FRMPD1: variants seen among roughly 807,000 people sequenced by gnomAD.
FRMPD1 encodes FERM and PDZ domain containing 1.
FRMPD1 carries 76 observed loss-of-function variants against 117.8 expected under a neutral mutation model. The observed-to-expected ratio is 0.65, with a 90% CI of 0.54 to 0.78. The LOEUF (loss-of-function observed/expected upper bound fraction) is 0.78, where lower values mean the gene tolerates loss of function less well. FRMPD1 is among the 30% of genes least tolerant of loss of function. The probability of loss-of-function intolerance (pLI) is 0.00; values close to 1 mark genes in which losing one functional copy is unlikely to be tolerated. For missense variants in FRMPD1, 1,786 were observed against 1,964.5 expected (o/e 0.91, Z 1.72); for synonymous variants, 783 against 770.4 (o/e 1.02, Z -0.27).
In FRMPD1 at chr9:37,663,380, G is replaced by C. The variant is rs139510361; in HGVS notation, c.-5+12286G>C. ...ATTGCATGCCAGAGTGGAGATGCAG[G>C]GGGAGGGGGCTGATCAGCAGGTGAA... On this transcript the variant is annotated intron_variant, in intron 1 of 15. Transcript: ENST00000377765. Among the ~76,000 whole-genome samples the C allele has an allele frequency of 1.2e-4, 19 of 152,276 alleles. No individual in the cohort carries two copies. In the East Asian group the frequency reaches 2.5e-3, roughly 20 times the overall value.
At chr9:37,636,495 C>G in the FRMPD1 span, among the ~76,000 whole-genome samples, 5 of 152,192 alleles carry the variant, frequency 3.3e-5, 1 homozygote, top group Admixed American at 2.0e-4. Context: ...TCCTGAGTGT[C>G]CTCCCTTAGG....
chr9:37,683,519 T>C (rs1821803602), intron 1 of FRMPD1, among the ~76,000 whole-genome samples: 1 of 152,164 alleles, frequency 6.6e-6, no homozygotes, highest in Non-Finnish European at 1.5e-5. Flanking sequence ...GCCTGTTCAT[T>C]GAAGTGTGAG....
chr9:37,657,245 A>G (rs1257616018), intron 1 of FRMPD1, among the ~76,000 whole-genome samples: 1 of 152,182 alleles, frequency 6.6e-6, no homozygotes, highest in African/African-American at 2.4e-5. Context: ...CAACGATAAC[A>G]ATCCCACCTC....
chr9:37,651,239 C>G (rs1163409735), intron 1 of FRMPD1, 145 bp downstream of exon 1: 2 of 152,822 alleles, frequency 1.3e-5, no homozygotes, highest in Non-Finnish European at 2.9e-5. Context: ...TCCTCGTGTC[C>G]CCAAGCCCGG....
intron 5 of FRMPD1, 144 bp from the exon 6 acceptor site, chr9:37,718,925 A>G (rs1024162137): frequency 6.7e-6 from 4 of 595,216 alleles, no homozygotes; most frequent in African/African-American, 3.7e-5. Flanking sequence ...GAAAATACCT[A>G]TAATGGGATA....
In FRMPD1 at chr9:37,740,673, G is replaced by C; in HGVS notation, c.2145G>C (p.Pro715=). 6.2e-7 allele frequency: 1 copy of C among 1,614,138 alleles called. No homozygotes were observed. Among genetic ancestry groups the C allele is most frequent in the Non-Finnish European group, 8.5e-7 (1 of 1,180,012 alleles). Residue 715 remains proline, a synonymous_variant, in exon 15 of 16, where the codon CCG becomes CCC. Transcript: ENST00000377765. This position sits in a 1 kb window ranked among gnomAD's most constrained non-coding sequence, Gnocchi z 4.2. The part of the protein sequence containing the change: ...DYYSLCSSVS[P]ASYLSDSSES... ...ACAGCCTGTGTTCCAGTGTCTCCCC[G>C]GCCAGCTACCTGAGTGACAGTTCCG...
At chr9:37,606,900 T>C in the FRMPD1 span, among the ~76,000 whole-genome samples, 1 of 152,204 alleles carries the variant, frequency 6.6e-6, no homozygotes. Context: ...CATGTCATTC[T>C]GGGCTATGAG....
the FRMPD1 span, among the ~76,000 whole-genome samples, chr9:37,637,641 G>A: frequency 6.6e-6 from 1 of 152,200 alleles, no homozygotes; most frequent in Non-Finnish European, 1.5e-5. Context: ...TTTGAGTCTG[G>A]CTTCTTTCAC....
At chr9:37,742,120 C>T (rs1273073450) in intron 15 of FRMPD1, among the ~76,000 whole-genome samples, 10 of 152,196 alleles carry the variant, frequency 6.6e-5, no homozygotes, top group Non-Finnish European at 1.2e-4. Context: ...CAGCACACAG[C>T]GTCTAGCAAT....
At chr9:37,654,298 T>A (rs1457481877) in intron 1 of FRMPD1, among the ~76,000 whole-genome samples, 1 of 152,102 alleles carries the variant, frequency 6.6e-6, no homozygotes. Context: ...TGGAGGGTGG[T>A]CAGGGCAGGC....
chr9:37,604,957 C>G, the FRMPD1 span, among the ~76,000 whole-genome samples: 1 of 152,164 alleles, frequency 6.6e-6, no homozygotes, highest in Non-Finnish European at 1.5e-5. Context: ...GAGGCAGGCT[C>G]TATTATTTCC....
chr9:37,708,497 C>T lies in FRMPD1; in HGVS notation c.358C>T (p.Leu120Phe). 6.4e-7 allele frequency: 1 copy of T among 1,562,834 alleles called. No homozygotes were observed. The highest frequency in any genetic ancestry group is 8.8e-7 in the Non-Finnish European group (1 of 1,133,026). Reference sequence around the variant, plus strand: ...TTCCTGGGAACGAGCAGTCGATATTCTCAGGTACTAAATGGTCTTCCATCA... The same window carrying T: ...TTCCTGGGAACGAGCAGTCGATATTTTCAGGTACTAAATGGTCTTCCATCA... ...DLSWERAVDI[L>F]REAEDSLSIT... Residue 120 changes from leucine (L) to phenylalanine (F), a missense_variant, in exon 4 of 16, where the codon CTC (leucine) becomes TTC (phenylalanine). Coordinates refer to ENST00000377765, the MANE Select transcript of FRMPD1 (RefSeq NM_014907.3).
rs1760851417 is a variant in FRMPD1, at chr9:37,740,851, G to A, written c.2323G>A (p.Ala775Thr). The change falls in exon 15 of 16, where the codon GCT becomes ACT. Residue 775 changes from alanine to threonine, a missense_variant. Transcript: ENST00000377765. The surrounding 1 kb of genome is among the most constrained non-coding windows in gnomAD (Gnocchi z 4.2). ...GSSDEEYYDA[A>T]DKLTPPGPPS... ...CTCAGATGAGGAATACTATGACGCG[G>A]CTGATAAGCTCACTCCCCCAGGCCC... 3 of 1,614,012 alleles carry A rather than the reference G, an allele frequency of 1.9e-6. No homozygotes were observed. The highest frequency in any genetic ancestry group is 1.7e-5 in the Admixed American group (1 of 60,004).
intron 1 of FRMPD1, among the ~76,000 whole-genome samples, chr9:37,672,460 G>A (rs902696768): frequency 1.3e-5 from 2 of 152,184 alleles, no homozygotes; most frequent in South Asian, 2.1e-4. Context: ...TACCACTTAC[G>A]AAGGGCTTAT....
chr9:37,712,723 G>C (rs1184327755), intron 5 of FRMPD1, among the ~76,000 whole-genome samples: 2 of 152,164 alleles, frequency 1.3e-5, no homozygotes, highest in Admixed American at 6.5e-5. Flanking sequence ...TCATGGCCTT[G>C]AGTGTTTTTA....
At chr9:37,606,671 A>C in the FRMPD1 span, among the ~76,000 whole-genome samples, 1 of 152,224 alleles carries the variant, frequency 6.6e-6, no homozygotes, top group Non-Finnish European at 1.5e-5. Flanking sequence ...AAATTAATAG[A>C]AAACAAAAAA....
At chr9:37,630,665 T>C in the FRMPD1 span, among the ~76,000 whole-genome samples, 3 of 152,106 alleles carry the variant, frequency 2.0e-5, no homozygotes, top group Admixed American at 2.0e-4. Flanking sequence ...GTCAGATCGC[T>C]TGAGGCCAGA....
intron 1 of FRMPD1, among the ~76,000 whole-genome samples, chr9:37,678,216 C>T (rs1821595129): frequency 7.1e-6 from 1 of 141,828 alleles, no homozygotes; most frequent in Non-Finnish European, 1.5e-5. Flanking sequence ...GGCATCGATG[C>T]TGATTCTATC....
the FRMPD1 span, among the ~76,000 whole-genome samples, chr9:37,626,835 A>G: frequency 1.3e-5 from 2 of 151,956 alleles, no homozygotes; most frequent in African/African-American, 4.8e-5. Flanking sequence ...CCACATACCT[A>G]CTGAATCATT....
Sources: gnomAD v4.1 joint callset for allele counts (sites outside exome capture counted in the v4.1 genomes callset) on GRCh38, gnomAD v4.1.1 for gene constraint, Gnocchi (gnomAD v3.1) non-coding constraint, MANE v1.5 for transcripts, NCBI Gene and HGNC (gene_info 2026-07-23, HGNC 2026-07-21) for gene names.